The following CSPP1 variants were observed in gnomAD, a reference collection of about 807,000 sequenced individuals.
The protein encoded by CSPP1 is centrosome and spindle pole-associated protein 1.
Under a neutral mutation model 164.4 loss-of-function variants are expected in CSPP1, and 126 were observed. The ratio of observed to expected loss-of-function variants is 0.77; its 90% confidence interval spans 0.66 to 0.89. The LOEUF is 0.89. Among genes scored for constraint, CSPP1 ranks in the 40% least tolerant of loss-of-function variants. The probability of loss-of-function intolerance (pLI) is 0.00; values close to 1 mark genes in which losing one functional copy is unlikely to be tolerated. For synonymous variants in CSPP1, 472 were observed against 476.7 expected, an observed-to-expected ratio of 0.99 and a Z score of 0.13; for missense variants, 1,395 against 1,449.8, an observed-to-expected ratio of 0.96 and a Z score of 0.61.
chr8:67,185,891 G>A (rs1031538395), intron 28 of CSPP1, among the ~76,000 whole-genome samples: 12 of 152,022 alleles, frequency 7.9e-5, no homozygotes, highest in African/African-American at 2.9e-4. Context: ...AAAAGGACAA[G>A]AATCCTTCAA....
chr8:67,193,405 C>G (rs1322041988), intron 29 of CSPP1, 59 bp from the exon 30 acceptor site: 18 of 1,512,130 alleles, frequency 1.2e-5, no homozygotes, highest in Non-Finnish European at 1.6e-5. Flanking sequence ...CCCTGATTCA[C>G]TGATTTGTGA....
At chr8:67,124,706 G>T (rs1819720517) in intron 15 of CSPP1, among the ~76,000 whole-genome samples, 1 of 151,942 alleles carries the variant, frequency 6.6e-6, no homozygotes, top group Non-Finnish European at 1.5e-5. Context: ...TTTGGAGATA[G>T]GATCTCACTC....
At chr8:67,131,918 G>A (rs1352903243) in intron 15 of CSPP1, 33 bp from the exon 16 acceptor site, 1 of 1,543,448 alleles carries the variant, frequency 6.5e-7, no homozygotes, top group African/African-American at 1.4e-5. Context: ...TGTCGTCAAT[G>A]GATTTAAATT....
chr8:67,167,315 C>CT (rs1489002583), intron 24 of CSPP1, among the ~76,000 whole-genome samples: 4 of 151,160 alleles, frequency 2.6e-5, no homozygotes, highest in African/African-American at 9.7e-5. Context: ...AGAGGCACCC[C>CT]CACCTCCCGG....
intron 9 of CSPP1, 140 bp downstream of exon 9, chr8:67,106,115 C>T (rs1051515772): frequency 1.8e-6 from 1 of 564,262 alleles, no homozygotes; most frequent in Non-Finnish European, 3.2e-6. Flanking sequence ...ACACTAGGTA[C>T]TATTCTAATC....
chr8:67,078,463 A>C (rs1198118162), intron 3 of CSPP1, among the ~76,000 whole-genome samples: 1 of 151,932 alleles, frequency 6.6e-6, no homozygotes, highest in African/African-American at 2.4e-5. Context: ...CTCCCTCCTC[A>C]GCCTCCAAGT....
chr8:67,184,744 T>TATAATAATAATAATAATAATAATAATA (rs377423199), intron 28 of CSPP1, among the ~76,000 whole-genome samples: 64 of 142,508 alleles, frequency 4.5e-4, no homozygotes, highest in African/African-American at 1.6e-3. Context: ...AATAAAAAAA[T>TATAATAATAATAATAATAATAATAATA]ATAATAATAA....
intron 14 of CSPP1, 99 bp from the exon 15 acceptor site, chr8:67,118,644 A>T: frequency 2.3e-6 from 2 of 855,214 alleles, no homozygotes; most frequent in Non-Finnish European, 3.7e-6. Flanking sequence ...TTCTCTATGT[A>T]ACATTTTGAT....
At chr8:67,175,555 T>C in intron 26 of CSPP1, 119 bp downstream of exon 26, 3 of 1,200,850 alleles carry the variant, frequency 2.5e-6, no homozygotes, top group Non-Finnish European at 3.7e-6. Context: ...AGCCCCATGC[T>C]CACAGGGTCC....
intron 28 of CSPP1, among the ~76,000 whole-genome samples, chr8:67,187,205 T>C (rs773638724): frequency 6.6e-6 from 1 of 152,168 alleles, no homozygotes; most frequent in Non-Finnish European, 1.5e-5. Flanking sequence ...ATTATGTGGA[T>C]AACAACAAAC....
chr8:67,074,724 T>C, intron 2 of CSPP1: 1 of 243,866 alleles, frequency 4.1e-6, no homozygotes, highest in Non-Finnish European at 8.2e-6. Context: ...TCTGAAAAAG[T>C]GAATTTATTA....
chr8:67,088,162 A>T (rs945298165), intron 4 of CSPP1, among the ~76,000 whole-genome samples: 3 of 152,030 alleles, frequency 2.0e-5, no homozygotes, highest in Non-Finnish European at 2.9e-5. Context: ...TAGGTTTTGC[A>T]TTACTCCCTA....
intron 24 of CSPP1, among the ~76,000 whole-genome samples, chr8:67,169,752 CT>C (rs749507595): frequency 2.6e-5 from 4 of 151,340 alleles, no homozygotes; most frequent in Non-Finnish European, 4.4e-5. Context: ...TACCATATTT[CT>C]TTTTATATTT....
At position 67,136,072 on chromosome 8, in the gene CSPP1, G is replaced by A. The variant is rs185272055; in HGVS notation, c.1828-1384G>A. The stretch of plus-strand genomic sequence containing the variant: ...ATCTTATGTGTGTGTGATTCATGGC[G>A]CCCCAAAACAATTATAATAGTAACA... On this transcript the variant is annotated intron_variant, in intron 16 of 30. Transcript: ENST00000678616. Among the ~76,000 whole-genome samples, 300 of 152,040 alleles carry A rather than the reference G, an allele frequency of 2.0e-3. 3 individuals are homozygous for A. Among genetic ancestry groups the A allele is most frequent in the African/African-American group, 6.9e-3 (287 of 41,450 alleles).
Position 67,104,949 on chromosome 8 carries a change from C to CATATATAT in CSPP1, c.1023-945_1023-938dup, listed in dbSNP as rs201503845. ...GCCACTGCTCCCGGTCTTACATGCA[C>CATATATAT]ATATATATATATATATATTTTTTTT... On this transcript the variant is annotated intron_variant, in intron 8 of 30. Coordinates refer to ENST00000678616, the MANE Select transcript of CSPP1 (RefSeq NM_001382391.1). 2.1e-3 allele frequency among the ~76,000 whole-genome samples: 172 copies of CATATATAT among 83,194 alleles called. 1 individual carries two copies. The highest frequency in any genetic ancestry group is 5.5e-3 in the African/African-American group (96 of 17,320). 54.6% of individuals were successfully genotyped at this position (83,194 alleles called of 152,430 possible). A position where few individuals can be genotyped will look rare whatever the true frequency, so the allele number is the denominator to read the frequency against.
At chr8:67,135,783 CATAAG>C (rs1281886811) in intron 16 of CSPP1, 1 of 152,174 alleles carries the variant, frequency 6.6e-6, no homozygotes, top group East Asian at 1.9e-4. Flanking sequence ...GTTTATTTAA[CATAAG>C]AGGCCTAGCT....
chr8:67,086,731 G>A, intron 4 of CSPP1: 2 of 545,838 alleles, frequency 3.7e-6, no homozygotes, highest in South Asian at 3.3e-5. Flanking sequence ...TTTGTTCCAA[G>A]TGTACAAATG....
intron 6 of CSPP1, among the ~76,000 whole-genome samples, chr8:67,094,119 GAAAAAAAAA>G (rs71249416): frequency 2.7e-4 from 8 of 29,444 alleles, no homozygotes; most frequent in Admixed American, 1.5e-3. Flanking sequence ...GACCTGGTCT[GAAAAAAAAA>G]AAAAAAAAAA....
At chr8:67,100,716 A>ACTAT (rs1305910290) in intron 7 of CSPP1, among the ~76,000 whole-genome samples, 2 of 150,934 alleles carry the variant, frequency 1.3e-5, no homozygotes, top group African/African-American at 4.8e-5. Flanking sequence ...AGTAGCTGGG[A>ACTAT]CTATAGGCAT....
Sources: allele counts gnomAD v4.1 joint callset (sites outside exome capture counted in the v4.1 genomes callset), GRCh38; gene constraint gnomAD v4.1.1; transcripts MANE v1.5; gene names NCBI Gene and HGNC (gene_info 2026-07-23, HGNC 2026-07-21).